The following NPNT variants were observed in gnomAD, a reference collection of about 807,000 sequenced individuals.
The protein encoded by NPNT is preosteoblast EGF-like repeat protein with MAM domain.
NPNT carries 45 observed loss-of-function variants against 68.6 expected under a neutral mutation model. That is an observed-to-expected ratio of 0.66 (90% CI 0.52 to 0.84). The LOEUF (loss-of-function observed/expected upper bound fraction) is 0.84. Ranked by LOEUF, NPNT falls within the 40% of genes least tolerant of loss-of-function variation. NPNT has a pLI of 0.00. For synonymous variants in NPNT, 233 were observed against 253.3 expected (o/e 0.92, Z 0.76); for missense variants, 672 against 714.8 (o/e 0.94, Z 0.68).
At chr4:105,931,685 A>G (rs1032558052) in intron 3 of NPNT, among the ~76,000 whole-genome samples, 25 of 150,804 alleles carry the variant, frequency 1.7e-4, no homozygotes, top group African/African-American at 5.8e-4. Context: ...AAAAAAAAAA[A>G]AAAAATTAGC....
chr4:105,927,510 C>T lies in NPNT; in HGVS notation c.265+82C>T, dbSNP rs548505306. The T allele has an allele frequency of 7.4e-5, 54 of 724,936 alleles. No individual in the cohort carries two copies. The East Asian group carries it at 1.5e-3, about 20-fold the overall frequency. 44.9% of individuals were successfully genotyped at this position (724,936 alleles called of 1,614,324 possible). A position where few individuals can be genotyped will look rare whatever the true frequency, so the allele number is the denominator to read the frequency against. ...TTAAAAATATTCTTATCTCAAACTA[C>T]TTTCCATGGCTATTTTTCCAAAATA... On this transcript the variant is annotated intron_variant, in intron 3 of 11. Coordinates refer to ENST00000379987, the MANE Select transcript of NPNT (RefSeq NM_001033047.3).
At chr4:105,937,757 T>A (rs975443373) in intron 4 of NPNT, among the ~76,000 whole-genome samples, 2 of 152,206 alleles carry the variant, frequency 1.3e-5, no homozygotes, top group Non-Finnish European at 2.9e-5. Flanking sequence ...TAAAATTCTC[T>A]ATAGGCTGAC....
At chr4:105,917,582 C>T (rs1727920997) in intron 2 of NPNT, among the ~76,000 whole-genome samples, 1 of 152,008 alleles carries the variant, frequency 6.6e-6, no homozygotes, top group African/African-American at 2.4e-5. Context: ...AAAAGTAAAC[C>T]TGTATATACA....
chr4:105,897,826 G>A (rs11726457), intron 1 of NPNT, 75 bp from the exon 2 acceptor site: 68,751 of 1,202,548 alleles, frequency 0.057, 3,367 homozygotes, highest in African/African-American at 0.25. Context: ...CATTTTTTCT[G>A]AAGTAATAAT....
At chr4:105,944,497 T>C (rs1730226376) in intron 8 of NPNT, among the ~76,000 whole-genome samples, 1 of 152,240 alleles carries the variant, frequency 6.6e-6, no homozygotes, top group Non-Finnish European at 1.5e-5. Context: ...AATGTTTCTC[T>C]TTATTTCCAG....
chr4:105,932,406 A>G (rs1399173129), intron 3 of NPNT, among the ~76,000 whole-genome samples: 1 of 152,218 alleles, frequency 6.6e-6, no homozygotes, highest in Non-Finnish European at 1.5e-5. Context: ...TCCTTGGGAA[A>G]CAAGATGACA....
chr4:105,935,177 A>G (rs562669660), intron 3 of NPNT, among the ~76,000 whole-genome samples: 48 of 152,360 alleles, frequency 3.2e-4, no homozygotes, highest in Non-Finnish European at 5.9e-4. Flanking sequence ...AGAAAAATCC[A>G]TCAGTATCCT....
intron 9 of NPNT, 78 bp downstream of exon 9, chr4:105,958,635 C>A (rs780961335): frequency 1.0e-5 from 8 of 801,394 alleles, no homozygotes; most frequent in South Asian, 2.4e-5. Flanking sequence ...AAATGTAGAT[C>A]GTTTGGACCA....
intron 10 of NPNT, among the ~76,000 whole-genome samples, chr4:105,960,135 G>A (rs976916948): frequency 7.9e-5 from 12 of 152,150 alleles, no homozygotes; most frequent in Non-Finnish European, 1.6e-4. Context: ...TATGGATAAG[G>A]CCTACTTAAT....
chr4:105,957,231 C>T (rs994492105), intron 8 of NPNT, among the ~76,000 whole-genome samples: 3 of 152,056 alleles, frequency 2.0e-5, no homozygotes, highest in African/African-American at 7.2e-5. Context: ...TAACTCTTAC[C>T]AAAATCTCAA....
At chr4:105,954,633 C>A (rs1731077679) in intron 8 of NPNT, among the ~76,000 whole-genome samples, 1 of 152,126 alleles carries the variant, frequency 6.6e-6, no homozygotes. Flanking sequence ...CATTTGATGC[C>A]CTTCCTCCTG....
chr4:105,931,291 TTTATAA>T (rs1337308614), intron 3 of NPNT, among the ~76,000 whole-genome samples: 3 of 152,214 alleles, frequency 2.0e-5, no homozygotes, highest in Non-Finnish European at 4.4e-5. Flanking sequence ...TACAGTGTAC[TTTATAA>T]TAATTTCAGA....
At chr4:105,907,456 C>G (rs757018741) in intron 2 of NPNT, among the ~76,000 whole-genome samples, 3 of 152,176 alleles carry the variant, frequency 2.0e-5, no homozygotes, top group Non-Finnish European at 2.9e-5. Flanking sequence ...AAGAATCTCC[C>G]TGTCTGAATT....
At chr4:105,962,851 ATGTG>A (rs533801417) in intron 10 of NPNT, among the ~76,000 whole-genome samples, 14,246 of 149,716 alleles carry the variant, frequency 0.095, 851 homozygotes, top group African/African-American at 0.18. Flanking sequence ...GATGGAGTGT[ATGTG>A]TGTGTGTGTG....
intron 3 of NPNT, among the ~76,000 whole-genome samples, chr4:105,928,640 A>G (rs1285096055): frequency 1.3e-5 from 2 of 151,712 alleles, no homozygotes; most frequent in Admixed American, 6.6e-5. Flanking sequence ...AGAAAAAAAA[A>G]TCATTATTAG....
chr4:105,920,395 T>TAGAA (rs1329151566), intron 2 of NPNT, among the ~76,000 whole-genome samples: 6 of 79,506 alleles, frequency 7.5e-5, no homozygotes, highest in Admixed American at 1.3e-4. Flanking sequence ...GTTACTCTAC[T>TAGAA]AAAAAAAAAA....
Position 105,942,556 on chromosome 4 carries a change from T to C in NPNT, c.1013T>C (p.Leu338Pro). The change falls in exon 8 of 12, where the codon CTC becomes CCC. Residue 338 changes from leucine to proline, a missense_variant. Leu to Pro is a moderately conservative substitution (Grantham distance 98, BLOSUM62 -3). Transcript: ENST00000379987. The stretch of plus-strand genomic sequence containing the variant: ...CCACCACCACCCCTGCCAACAGAGC[T>C]CAGAACACCTCTACCACCTACAACC... ...PPPPPPLPTE[L>P]RTPLPPTTPE... is the part of the protein sequence containing the mutation. 6.2e-7 allele frequency: 1 copy of C among 1,613,440 alleles called. No homozygotes were observed. The highest frequency in any genetic ancestry group is 8.5e-7 in the Non-Finnish European group (1 of 1,179,884).
intron 8 of NPNT, among the ~76,000 whole-genome samples, chr4:105,951,748 T>C (rs974745674): frequency 6.6e-6 from 1 of 152,228 alleles, no homozygotes; most frequent in Non-Finnish European, 1.5e-5. Flanking sequence ...TTAGATCCTA[T>C]GGTAGCTAGT....
chr4:105,942,240 T>C, intron 7 of NPNT, 67 bp from the exon 8 acceptor site: 1 of 1,225,068 alleles, frequency 8.2e-7, no homozygotes, highest in South Asian at 1.5e-5. Context: ...TTTATGTCTG[T>C]CAGTGTAATG....
Sources: allele counts gnomAD v4.1 joint callset (sites outside exome capture counted in the v4.1 genomes callset), GRCh38; gene constraint gnomAD v4.1.1; transcripts MANE v1.5; gene names NCBI Gene and HGNC (gene_info 2026-07-23, HGNC 2026-07-21).